FPR3: variants seen among roughly 807,000 people sequenced by gnomAD.
FPR3 encodes the protein N-formyl peptide receptor 3.
For missense variants in FPR3, 346 were observed against 443.2 expected (o/e 0.78, Z 1.97); for synonymous variants, 135 against 163.6 (o/e 0.83, Z 1.34).
At chr19:51,796,007 A>C (rs986074522) in intron 1 of FPR3, among the ~76,000 whole-genome samples, 1 of 152,192 alleles carries the variant, frequency 6.6e-6, no homozygotes, top group African/African-American at 2.4e-5. Context: ...AGTCCTGTGG[A>C]GCTTACGTAC....
intron 1 of FPR3, among the ~76,000 whole-genome samples, chr19:51,798,170 C>T (rs1186630100): frequency 6.6e-6 from 1 of 152,072 alleles, no homozygotes; most frequent in African/African-American, 2.4e-5. Flanking sequence ...CTAACTGACT[C>T]CAAAGCCTGG....
intron 1 of FPR3, among the ~76,000 whole-genome samples, chr19:51,805,623 A>G (rs946271942): frequency 1.2e-4 from 18 of 152,240 alleles, no homozygotes; most frequent in African/African-American, 9.6e-5. Flanking sequence ...CCACAGAACC[A>G]TGGATTTCAA....
chr19:51,820,168 GTTA>G (rs1568431956), intron 1 of FPR3, among the ~76,000 whole-genome samples: 1 of 152,222 alleles, frequency 6.6e-6, no homozygotes, highest in African/African-American at 2.4e-5. Context: ...AGGGCTGAAT[GTTA>G]TTTTAATGCA....
chr19:51,799,482 T>C (rs2084017251), intron 1 of FPR3, among the ~76,000 whole-genome samples: 1 of 152,244 alleles, frequency 6.6e-6, no homozygotes, highest in African/African-American at 2.4e-5. Flanking sequence ...GGCTTTTGGC[T>C]GTGTCTTGGA....
intron 1 of FPR3, among the ~76,000 whole-genome samples, chr19:51,801,495 T>C (rs1416637669): frequency 6.6e-6 from 1 of 152,202 alleles, no homozygotes; most frequent in African/African-American, 2.4e-5. Flanking sequence ...CTTCTAACAT[T>C]AGCGGCCGGA....
At chr19:51,796,658 T>C (rs765237596) in intron 1 of FPR3, among the ~76,000 whole-genome samples, 5 of 152,050 alleles carry the variant, frequency 3.3e-5, no homozygotes, top group African/African-American at 4.8e-5. Context: ...GTGGATGGCG[T>C]TGGGTGGTGA....
In FPR3 at chr19:51,825,007, C is replaced by T; in HGVS notation, c.*197C>T. On this transcript the variant is annotated 3_prime_UTR_variant, in exon 2 of 2. Transcript: ENST00000339223. ...CAGCTGGGTGTCCTACAATTAAATT[C>T]CAACACTATCTACCTGGAGCTACTG... 1.7e-6 allele frequency: 1 copy of T among 575,794 alleles called. No homozygotes were observed. The highest frequency in any genetic ancestry group is 3.2e-6 in the Non-Finnish European group (1 of 316,902). The allele number at this position is 575,794 out of a possible 1,614,324, so 35.7% of individuals were successfully genotyped here.
At chr19:51,812,131 T>C (rs962116322) in intron 1 of FPR3, among the ~76,000 whole-genome samples, 2 of 152,202 alleles carry the variant, frequency 1.3e-5, no homozygotes, top group Admixed American at 1.3e-4. Context: ...GAGGTAGACA[T>C]AATAAATAAT....
Position 51,823,943 on chromosome 19 carries a change from G to A in FPR3, c.195G>A (p.Leu65=), listed in dbSNP as rs372060962. The A allele has an allele frequency of 1.2e-6, 2 of 1,613,978 alleles. No individual in the cohort carries two copies. Among genetic ancestry groups the A allele is most frequent in the Admixed American group, 3.3e-5 (2 of 59,998 alleles). The change falls in exon 2 of 2, where the codon CTG becomes CTA. Residue 65 remains leucine (L), a synonymous_variant. Transcript: ENST00000339223. The stretch of plus-strand genomic sequence containing the variant: ...GCACAGTCAACACCATCTGTTACCT[G>A]AACCTGGCCCTAGCTGACTTCTCTT... ...MTRTVNTICY[L]NLALADFSFS... is the part of the protein sequence containing the mutation.
At chr19:51,805,718 G>A (rs1483848806) in intron 1 of FPR3, among the ~76,000 whole-genome samples, 2 of 152,060 alleles carry the variant, frequency 1.3e-5, no homozygotes, top group African/African-American at 2.4e-5. Flanking sequence ...AATTCTCTAC[G>A]TACTGAGCCG....
At position 51,824,219 on chromosome 19, in the gene FPR3, C is replaced by T. The variant is rs758877066; in HGVS notation, c.471C>T (p.Thr157=). ...TCTGGATTTTCACCATAGTCCTTACCTTACCAAATTTCATCTTCTGGACTA... is the reference window on the plus strand; with the variant it reads ...TCTGGATTTTCACCATAGTCCTTACTTTACCAAATTTCATCTTCTGGACTA... ...TGLWIFTIVL[T]LPNFIFWTTI... The change falls in exon 2 of 2, where the codon ACC becomes ACT. Residue 157 remains threonine, a synonymous_variant. Transcript: ENST00000339223. The surrounding 1 kb of genome is among the most constrained non-coding windows in gnomAD (Gnocchi z 4.7). The T allele has an allele frequency of 5.6e-6, 9 of 1,614,036 alleles. No homozygotes were observed. The highest frequency in any genetic ancestry group is 7.6e-6 in the Non-Finnish European group (9 of 1,180,020).
Position 51,824,348 on chromosome 19 carries a change from C to G in FPR3, c.600C>G (p.Val200=). The G allele has an allele frequency of 6.2e-7, 1 of 1,614,144 alleles. No individual in the cohort carries two copies. Among genetic ancestry groups the G allele is most frequent in the Non-Finnish European group, 8.5e-7 (1 of 1,180,000 alleles). Residue 200 remains valine (V), a synonymous_variant, in exon 2 of 2, where the codon GTC becomes GTG. Coordinates refer to ENST00000339223, the MANE Select transcript of FPR3 (RefSeq NM_002030.5). This position sits in a 1 kb window ranked among gnomAD's most constrained non-coding sequence, Gnocchi z 4.7. The part of the protein sequence containing the change: ...RLNVFITMAK[V]FLILHFIIGF... The stretch of plus-strand genomic sequence containing the variant: ...ACGTGTTCATTACCATGGCCAAGGT[C>G]TTTCTGATCCTCCACTTCATTATTG...
intron 1 of FPR3, among the ~76,000 whole-genome samples, chr19:51,813,010 T>G (rs1308346796): frequency 2.6e-5 from 4 of 151,798 alleles, no homozygotes; most frequent in African/African-American, 9.7e-5. Context: ...TTCTAGCTAC[T>G]GGGGAGGCTG....
intron 1 of FPR3, among the ~76,000 whole-genome samples, chr19:51,823,296 A>T (rs1333059905): frequency 6.6e-6 from 1 of 152,176 alleles, no homozygotes; most frequent in East Asian, 1.9e-4. Context: ...AGTGGGAGGG[A>T]CAGGAGCTGG....
At chr19:51,814,087 T>C (rs2084116816) in intron 1 of FPR3, among the ~76,000 whole-genome samples, 1 of 152,228 alleles carries the variant, frequency 6.6e-6, no homozygotes, top group South Asian at 2.1e-4. Flanking sequence ...GTAAATTCCT[T>C]CTTGGTTTAT....
Position 51,825,274 on chromosome 19 carries a change from A to G in FPR3, c.*464A>G, listed in dbSNP as rs999467709. 2 of 172,152 alleles carry G rather than the reference A, an allele frequency of 1.2e-5. No homozygotes were observed. Among genetic ancestry groups the G allele is most frequent in the African/African-American group, 4.8e-5 (2 of 41,500 alleles). 10.7% of individuals were successfully genotyped at this position (172,152 alleles called of 1,614,324 possible). On this transcript the variant is annotated 3_prime_UTR_variant, in exon 2 of 2. Transcript: ENST00000339223. ...ACAAAGGATACAGATGAAGAGGCACATAGGGCAAGGTACGGGGTTCCACGC... is the reference window on the plus strand; with the variant it reads ...ACAAAGGATACAGATGAAGAGGCACGTAGGGCAAGGTACGGGGTTCCACGC...
At chr19:51,799,084 T>A (rs753266205) in intron 1 of FPR3, among the ~76,000 whole-genome samples, 7 of 152,094 alleles carry the variant, frequency 4.6e-5, no homozygotes, top group Non-Finnish European at 1.0e-4. Context: ...TCCAGCTGGG[T>A]GACAGAGGAA....
chr19:51,817,210 T>C (rs2084143375), intron 1 of FPR3, among the ~76,000 whole-genome samples: 1 of 152,198 alleles, frequency 6.6e-6, no homozygotes, highest in South Asian at 2.1e-4. Context: ...ATTGTTCCCT[T>C]GTCCTTCAGC....
chr19:51,802,204 GAA>G (rs34028880), intron 1 of FPR3, among the ~76,000 whole-genome samples: 3 of 146,624 alleles, frequency 2.0e-5, no homozygotes, highest in Non-Finnish European at 4.5e-5. Flanking sequence ...TCCCAAATCT[GAA>G]AAAAAAAAAA....
Sources: allele counts gnomAD v4.1 joint callset (sites outside exome capture counted in the v4.1 genomes callset), GRCh38; gene constraint gnomAD v4.1.1; non-coding constraint Gnocchi (gnomAD v3.1); transcripts MANE v1.5; gene names NCBI Gene and HGNC (gene_info 2026-07-23, HGNC 2026-07-21).